The following SLC14A2 variants were observed in gnomAD, a reference collection of about 807,000 sequenced individuals.
SLC14A2 encodes urea transporter 2.
SLC14A2 carries 91 observed loss-of-function variants against 104.6 expected under a neutral mutation model. That is an observed-to-expected ratio of 0.87 (90% CI 0.73 to 1.04). SLC14A2 has a LOEUF of 1.04. SLC14A2 is among the 50% of genes least tolerant of loss of function. SLC14A2 has a pLI of 0.00. For synonymous variants in SLC14A2, 476 were observed against 466.4 expected (o/e 1.02, Z -0.27); for missense variants, 1,189 against 1,156.0 (o/e 1.03, Z -0.41).
chr18:45,673,327 G>A (rs559353153), intron 17 of SLC14A2, among the ~76,000 whole-genome samples: 2 of 152,188 alleles, frequency 1.3e-5, no homozygotes, highest in Non-Finnish European at 2.9e-5. Context: ...TAAGTGATCT[G>A]CAATGACAGC....
chr18:45,495,916 C>A (rs1311982432), intron 2 of SLC14A2, among the ~76,000 whole-genome samples: 1 of 152,206 alleles, frequency 6.6e-6, no homozygotes. Flanking sequence ...ACTCCCAGGT[C>A]TGACCTGCTT....
the SLC14A2 span, among the ~76,000 whole-genome samples, chr18:45,204,919 T>A: frequency 6.6e-6 from 1 of 151,816 alleles, no homozygotes; most frequent in African/African-American, 2.4e-5. Flanking sequence ...AAGAGAGAAG[T>A]TTGTATGAAG....
chr18:45,371,675 G>A (rs1318194234), intron 1 of SLC14A2, among the ~76,000 whole-genome samples: 1 of 152,116 alleles, frequency 6.6e-6, no homozygotes. Context: ...CTCAATGTTT[G>A]CTTACTAACT....
chr18:45,365,826 A>G (rs1309948527), intron 1 of SLC14A2, among the ~76,000 whole-genome samples: 1 of 152,116 alleles, frequency 6.6e-6, no homozygotes, highest in African/African-American at 2.4e-5. Flanking sequence ...TATTGTTACT[A>G]TTAATAGTAT....
At chr18:45,625,540 G>A in intron 2 of SLC14A2, 143 bp from the exon 3 acceptor site, 1 of 580,552 alleles carries the variant, frequency 1.7e-6, no homozygotes, top group Non-Finnish European at 2.8e-6. Flanking sequence ...ACTCTATGCA[G>A]CCGCAGACAA....
chr18:45,545,819 A>T (rs2043960282), intron 2 of SLC14A2, among the ~76,000 whole-genome samples: 1 of 152,238 alleles, frequency 6.6e-6, no homozygotes, highest in African/African-American at 2.4e-5. Flanking sequence ...CAATAGGTAC[A>T]CATATCCCAT....
intron 2 of SLC14A2, among the ~76,000 whole-genome samples, chr18:45,518,554 G>C (rs770372466): frequency 6.6e-6 from 1 of 152,204 alleles, no homozygotes; most frequent in Non-Finnish European, 1.5e-5. Context: ...TGTTGGAGCT[G>C]AGTCATGTCA....
At chr18:45,433,973 C>T (rs1317010248) in intron 1 of SLC14A2, among the ~76,000 whole-genome samples, 3 of 152,184 alleles carry the variant, frequency 2.0e-5, no homozygotes, top group African/African-American at 4.8e-5. Flanking sequence ...ATAATACTTA[C>T]TCAGGGCTCC....
chr18:45,346,562 C>G (rs553478524), intron 1 of SLC14A2, among the ~76,000 whole-genome samples: 5 of 152,282 alleles, frequency 3.3e-5, no homozygotes, highest in African/African-American at 7.2e-5. Flanking sequence ...AGTCTGAATT[C>G]TTTCATCTTT....
intron 1 of SLC14A2, among the ~76,000 whole-genome samples, chr18:45,359,043 C>A (rs74341789): frequency 0.031 from 4,764 of 152,280 alleles, 258 homozygotes; most frequent in African/African-American, 0.11. Context: ...GATTCCTACA[C>A]CTGCCACCTA....
chr18:45,249,368 C>T (rs1439185654), intron 1 of SLC14A2, among the ~76,000 whole-genome samples: 1 of 150,632 alleles, frequency 6.6e-6, no homozygotes. Flanking sequence ...GTGTGCTGAA[C>T]ATGCGTTGAG....
chr18:45,216,219 T>TA (rs1163453901), intron 1 of SLC14A2, among the ~76,000 whole-genome samples: 27 of 152,358 alleles, frequency 1.8e-4, no homozygotes, highest in African/African-American at 6.3e-4. Context: ...TGGTTTGGTC[T>TA]AATTTGGGCA....
chr18:45,322,468 C>T (rs2085194811), intron 1 of SLC14A2, among the ~76,000 whole-genome samples: 1 of 152,162 alleles, frequency 6.6e-6, no homozygotes, highest in Non-Finnish European at 1.5e-5. Context: ...CAGAATGGGA[C>T]TTACATAACG....
Position 45,672,950 on chromosome 18 carries a change from C to G in SLC14A2, c.2280C>G (p.Asn760Lys). 1 of 1,614,130 alleles carries G rather than the reference C, an allele frequency of 6.2e-7. No individual in the cohort carries two copies. The highest frequency in any genetic ancestry group is 8.5e-7 in the Non-Finnish European group (1 of 1,179,990). The change falls in exon 17 of 20, where the codon AAC (asparagine) becomes AAG (lysine). Residue 760 changes from asparagine to lysine, a missense_variant. Coordinates refer to ENST00000255226, the MANE Select transcript of SLC14A2 (RefSeq NM_007163.4). ...TTGGCCAAGTGTACGGCTGTGATAA[C>G]CCCTGGACTGGAGGCATCTTCCTCA... ...VGIGQVYGCD[N>K]PWTGGIFLIA...
chr18:45,402,428 C>G (rs1216769199), intron 1 of SLC14A2, among the ~76,000 whole-genome samples: 1 of 152,224 alleles, frequency 6.6e-6, no homozygotes, highest in Non-Finnish European at 1.5e-5. Context: ...CATTATTACT[C>G]TACATCTTTA....
chr18:45,587,973 G>T (rs2044592602), intron 2 of SLC14A2, among the ~76,000 whole-genome samples: 1 of 151,672 alleles, frequency 6.6e-6, no homozygotes, highest in Non-Finnish European at 1.5e-5. Context: ...CTGCCTAGTG[G>T]TTTGGACCAT....
intron 1 of SLC14A2, among the ~76,000 whole-genome samples, chr18:45,434,238 C>T (rs1479340672): frequency 6.6e-6 from 1 of 152,102 alleles, no homozygotes; most frequent in African/African-American, 2.4e-5. Context: ...CATGGCCAGC[C>T]ACAAAGCCGG....
intron 1 of SLC14A2, among the ~76,000 whole-genome samples, chr18:45,260,247 A>G (rs1425777413): frequency 6.6e-6 from 1 of 152,210 alleles, no homozygotes; most frequent in Non-Finnish European, 1.5e-5. Flanking sequence ...CACAAGGCAC[A>G]TGTGTCCTTG....
chr18:45,582,415 T>A (rs2044505876), intron 2 of SLC14A2, among the ~76,000 whole-genome samples: 1 of 152,136 alleles, frequency 6.6e-6, no homozygotes, highest in Non-Finnish European at 1.5e-5. Context: ...TGGTATAACA[T>A]GTACAGATAA....
Sources: gnomAD v4.1 joint callset for allele counts (sites outside exome capture counted in the v4.1 genomes callset) on GRCh38, gnomAD v4.1.1 for gene constraint, MANE v1.5 for transcripts, NCBI Gene and HGNC (gene_info 2026-07-23, HGNC 2026-07-21) for gene names.